Variants in ZDHHC1 observed in about 807,000 individuals in gnomAD.
The protein encoded by ZDHHC1 is zDHHC palmitoyltransferase 1.
ZDHHC1 carries 45 observed loss-of-function variants against 46.9 expected under a neutral mutation model. That is an observed-to-expected ratio of 0.96 (90% CI 0.76 to 1.23). The LOEUF is 1.23. Ranked by LOEUF, ZDHHC1 falls within the 50% of genes most tolerant of loss-of-function variation. The pLI is 0.00. For missense variants in ZDHHC1, 649 were observed against 670.8 expected, an observed-to-expected ratio of 0.97 and a Z score of 0.36; for synonymous variants, 291 against 286.0, an observed-to-expected ratio of 1.02 and a Z score of -0.18.
At chr16:67,395,712 C>A in intron 8 of ZDHHC1, 146 bp from the exon 9 acceptor site, 1 of 796,634 alleles carries the variant, frequency 1.3e-6, no homozygotes, top group Non-Finnish European at 2.0e-6. Flanking sequence ...CTGGGAAAAC[C>A]CCATCTGTAG....
intron 1 of ZDHHC1, among the ~76,000 whole-genome samples, chr16:67,414,071 T>C (rs1350477921): frequency 6.6e-6 from 1 of 152,144 alleles, no homozygotes; most frequent in African/African-American, 2.4e-5. Flanking sequence ...TGCAAATTGT[T>C]TGGGATACAA....
chr16:67,401,431 G>C lies in ZDHHC1; in HGVS notation c.253-299C>G, dbSNP rs1436460123. Among the ~76,000 whole-genome samples the C allele has an allele frequency of 6.6e-6, 1 of 152,238 alleles. No individual in the cohort carries two copies. Among genetic ancestry groups the C allele is most frequent in the Non-Finnish European group, 1.5e-5 (1 of 68,044 alleles). On this transcript the variant is annotated intron_variant, in intron 3 of 11. Transcript: ENST00000565726. The surrounding 1 kb of genome is among the most constrained non-coding windows in gnomAD (Gnocchi z 4.6). The stretch of plus-strand genomic sequence containing the variant: ...GTCCTGGCCTCACTGCTCCAGGCCT[G>C]GTGCAGGCCCTGGCTGGTCTGACCT...
chr16:67,398,414 C>A, intron 7 of ZDHHC1, 90 bp from the exon 8 acceptor site: 2 of 1,525,114 alleles, frequency 1.3e-6, no homozygotes, highest in South Asian at 1.2e-5. Flanking sequence ...AGGCTGAAAC[C>A]AGTGTCCCCA....
intron 1 of ZDHHC1, among the ~76,000 whole-genome samples, chr16:67,409,069 A>C (rs973412125): frequency 6.6e-6 from 1 of 152,092 alleles, no homozygotes; most frequent in Non-Finnish European, 1.5e-5. Context: ...AGCAAAACAG[A>C]CGCATGCAGC....
intron 1 of ZDHHC1, among the ~76,000 whole-genome samples, chr16:67,411,439 G>C (rs747913998): frequency 2.0e-5 from 3 of 152,202 alleles, no homozygotes; most frequent in African/African-American, 7.2e-5. Context: ...CTCACAGACT[G>C]AGGAACATTG....
chr16:67,394,726 G>C lies in ZDHHC1; in HGVS notation c.1333C>G (p.Arg445Gly), dbSNP rs1302818203. 127 of 1,381,376 alleles carry C rather than the reference G, an allele frequency of 9.2e-5. No homozygotes were observed. The highest frequency in any genetic ancestry group is 1.1e-4 in the Non-Finnish European group (120 of 1,072,448). The allele number at this position is 1,381,376 out of a possible 1,614,324, so 85.6% of individuals were successfully genotyped here. A position where few individuals can be genotyped will look rare whatever the true frequency, so the allele number is the denominator to read the frequency against. The change falls in exon 12 of 12, where the codon CGG becomes GGG. Residue 445 changes from arginine (R) to glycine (G), a missense_variant. By Grantham distance (125) the Arg-to-Gly change is moderately radical. Transcript: ENST00000565726. Reference protein sequence around the residue: ...RLGSAALAAPRGRGRQPTLAR... With the variant: ...RLGSAALAAPGGRGRQPTLAR... ...AGCGTGGGCTGTCGGCCCCGGCCCC[G>C]CGGGGCGGCCAGAGCGGCGCTGCCC...
chr16:67,398,552 G>T, intron 7 of ZDHHC1, 21 bp downstream of exon 7: 1 of 1,582,080 alleles, frequency 6.3e-7, no homozygotes, highest in Admixed American at 1.8e-5. Context: ...GTTCCAGAAG[G>T]CAGGTGCAGG....
rs1031575193 is a variant in ZDHHC1 at position 67,394,555 on chromosome 16, T to G, written c.*55A>C. The G allele has an allele frequency of 8.9e-7, 1 of 1,126,762 alleles. No individual in the cohort carries two copies. Among genetic ancestry groups the G allele is most frequent in the African/African-American group, 1.6e-5 (1 of 60,762 alleles). The allele number at this position is 1,126,762 out of a possible 1,614,324, so 69.8% of individuals were successfully genotyped here. The stretch of plus-strand genomic sequence containing the variant: ...ACTCGGTGCGGCAAGGATGGGGTGT[T>G]GCATAGAGAGTCAGGCCGGCCGCTC... On this transcript the variant is annotated 3_prime_UTR_variant, in exon 12 of 12. Transcript: ENST00000565726.
At chr16:67,395,311 G>T in intron 9 of ZDHHC1, 31 bp from the exon 10 acceptor site, 1 of 1,503,250 alleles carries the variant, frequency 6.7e-7, no homozygotes, top group East Asian at 2.4e-5. Flanking sequence ...TAAGCCTGGG[G>T]CCTGTTCCCC....
chr16:67,407,348 C>T (rs1000787556), intron 2 of ZDHHC1, among the ~76,000 whole-genome samples: 1 of 152,224 alleles, frequency 6.6e-6, no homozygotes, highest in Non-Finnish European at 1.5e-5. Context: ...GGGAGACAGG[C>T]CAGCTCTGCG....
At position 67,394,812 on chromosome 16, in the gene ZDHHC1, C is replaced by T. The variant is rs1597527519; in HGVS notation, c.1247G>A (p.Gly416Asp). 6.6e-7 allele frequency: 1 copy of T among 1,522,216 alleles called. No individual in the cohort carries two copies. Among genetic ancestry groups the T allele is most frequent in the Admixed American group, 2.1e-5 (1 of 48,640 alleles). The allele number at this position is 1,522,216 out of a possible 1,614,324, so 94.3% of individuals were successfully genotyped here. ...CTCTGCCGACGCCGAGTGGTAGGCGCCGGCAGGGCCAGCGGCGTGCACAGG... is the reference window on the plus strand; with the variant it reads ...CTCTGCCGACGCCGAGTGGTAGGCGTCGGCAGGGCCAGCGGCGTGCACAGG... ...ASPVHAAGPA[G>D]AYHSASAESV... The change falls in exon 12 of 12, where the codon GGC becomes GAC. Residue 416 changes from glycine (G) to aspartate (D), a missense_variant. Physicochemically the swap from Gly to Asp is moderately conservative, Grantham distance 94 (BLOSUM62 -1). Transcript: ENST00000565726.
Position 67,394,640 on chromosome 16 carries a change from C to A in ZDHHC1, c.1419G>T (p.Ala473=), listed in dbSNP as rs1250190230. Residue 473 remains alanine, a synonymous_variant, in exon 12 of 12, where the codon GCG becomes GCT. Transcript: ENST00000565726. ...CCAGACCAGCCTCCCGGCCGCCCGG[C>A]GCCCTGGGCTCGCCGCTGCTCGGGC... The part of the protein sequence containing the change: ...FVSPSSGEPR[A]PGGREAGLA The A allele has an allele frequency of 8.3e-7, 1 of 1,207,718 alleles. No homozygotes were observed. The highest frequency in any genetic ancestry group is 1.0e-6 in the Non-Finnish European group (1 of 973,362). 74.8% of individuals were successfully genotyped at this position (1,207,718 alleles called of 1,614,324 possible).
Position 67,406,573 on chromosome 16 carries a change from G to A in ZDHHC1, c.10-131C>T. The A allele has an allele frequency of 3.3e-6, 4 of 1,200,588 alleles. No homozygotes were observed. Among genetic ancestry groups the A allele is most frequent in the Non-Finnish European group, 4.5e-6 (4 of 890,562 alleles). The allele number at this position is 1,200,588 out of a possible 1,614,324, so 74.4% of individuals were successfully genotyped here. On this transcript the variant is annotated intron_variant, in intron 2 of 11. Transcript: ENST00000565726. This position sits in a 1 kb window ranked among gnomAD's most constrained non-coding sequence, Gnocchi z 4.1. ...CAGCTACTCTGCTGGGGAAACTGGGGTCCTAGCACAATAGAGATGGGCAGT... is the reference window on the plus strand; with the variant it reads ...CAGCTACTCTGCTGGGGAAACTGGGATCCTAGCACAATAGAGATGGGCAGT...
chr16:67,401,189 T>C lies in ZDHHC1; in HGVS notation c.253-57A>G. ...CTGCCGGCTGGGAGTCCTGCCCCGT[T>C]CCTTGCAGCCAGAGAACTCCCCACT... On this transcript the variant is annotated intron_variant, in intron 3 of 11. Coordinates refer to ENST00000565726, the MANE Select transcript of ZDHHC1 (RefSeq NM_001323627.2). This position sits in a 1 kb window ranked among gnomAD's most constrained non-coding sequence, Gnocchi z 4.6. 6.3e-7 allele frequency: 1 copy of C among 1,587,390 alleles called. No individual in the cohort carries two copies. The highest frequency in any genetic ancestry group is 8.6e-7 in the Non-Finnish European group (1 of 1,167,936).
chr16:67,394,825 CGG>C lies in ZDHHC1; in HGVS notation c.1232_1233del (p.Ala411GlyfsTer87). On this transcript the variant is annotated frameshift_variant, in exon 12 of 12. Coordinates refer to ENST00000565726, the MANE Select transcript of ZDHHC1 (RefSeq NM_001323627.2). LOFTEE classifies it low-confidence loss of function (END_TRUNC). ...TDSADASPVHAAGPAGAYHSA... is the reference protein window; with the variant it reads ...TDSADASPVHXAGPAGAYHSA... ...GAGTGGTAGGCGCCGGCAGGGCCAGCGGCGTGCACAGGGCTGGCGTCCGCGGA... is the reference window on the plus strand; with the variant it reads ...GAGTGGTAGGCGCCGGCAGGGCCAGCCGTGCACAGGGCTGGCGTCCGCGGA... 4 of 1,542,340 alleles carry C rather than the reference CGG, an allele frequency of 2.6e-6. No individual in the cohort carries two copies. The South Asian group carries it at 3.6e-5, about 14-fold the overall frequency.
intron 10 of ZDHHC1, 26 bp downstream of exon 10, chr16:67,395,161 C>T (rs376432467): frequency 1.1e-5 from 17 of 1,612,890 alleles, no homozygotes; most frequent in East Asian, 6.7e-5. Flanking sequence ...CCACCTGGAC[C>T]GGAGGCCCAG....
chr16:67,412,008 G>C (rs2040754694), intron 1 of ZDHHC1, among the ~76,000 whole-genome samples: 1 of 152,086 alleles, frequency 6.6e-6, no homozygotes, highest in Non-Finnish European at 1.5e-5. Context: ...AGCTACTCGG[G>C]AGGCTGAGGC....
chr16:67,398,276 G>T lies in ZDHHC1; in HGVS notation c.863C>A (p.Pro288Gln), dbSNP rs1435633500. 6 of 1,614,012 alleles carry T rather than the reference G, an allele frequency of 3.7e-6. No individual in the cohort carries two copies. Among genetic ancestry groups the T allele is most frequent in the Non-Finnish European group, 5.1e-6 (6 of 1,180,004 alleles). ...CCTGTGAACCCCCTTGGCCTCCTGT[G>T]GTGGGCGGTGCTGCACGATGTACTC... is the stretch of plus-strand genomic sequence containing the variant. ...TYEYIVQHRP[P>Q]QEAKGVHREL... The change falls in exon 8 of 12, where the codon CCA becomes CAA. Residue 288 changes from proline (P) to glutamine (Q), a missense_variant. By Grantham distance (76) the Pro-to-Gln change is moderately conservative. Coordinates refer to ENST00000565726, the MANE Select transcript of ZDHHC1 (RefSeq NM_001323627.2).
Position 67,398,892 on chromosome 16 carries a change from G to A in ZDHHC1, c.583C>T (p.Leu195=). ...TCCACGAAGACATATGTGGCCACCA[G>A]CACCAGGAGCAGGACGCCCAGTAAA... ...SALLGVLLLV[L]VATYVFVEFF... The change falls in exon 6 of 12, where the codon CTG becomes TTG. Residue 195 remains leucine (L), a synonymous_variant. Transcript: ENST00000565726. 1 of 1,613,482 alleles carries A rather than the reference G, an allele frequency of 6.2e-7. No homozygotes were observed. Among genetic ancestry groups the A allele is most frequent in the South Asian group, 1.1e-5 (1 of 90,920 alleles).
Sources: gnomAD v4.1 joint callset for allele counts (sites outside exome capture counted in the v4.1 genomes callset) on GRCh38, gnomAD v4.1.1 for gene constraint, Gnocchi (gnomAD v3.1) non-coding constraint, MANE v1.5 for transcripts, NCBI Gene and HGNC (gene_info 2026-07-23, HGNC 2026-07-21) for gene names.